The following PIK3CA variants were observed in gnomAD, a reference collection of about 807,000 sequenced individuals.
The protein encoded by PIK3CA is phosphatidylinositol 4,5-bisphosphate 3-kinase catalytic subunit alpha isoform.
Under a neutral mutation model 138.2 loss-of-function variants are expected in PIK3CA, and 27 were observed. That is an observed-to-expected ratio of 0.20 (90% confidence interval 0.14 to 0.27). The LOEUF (loss-of-function observed/expected upper bound fraction) is 0.27. PIK3CA is among the 10% of genes least tolerant of loss of function. The probability of loss-of-function intolerance (pLI) is 1.00; values close to 1 mark genes in which losing one functional copy is unlikely to be tolerated. For synonymous variants in PIK3CA, 358 were observed against 413.2 expected (o/e 0.87, Z 1.62); for missense variants, 544 against 1,277.4 (o/e 0.43, Z 8.75).
At position 179,238,906 on chromosome 3, in the gene PIK3CA, A is replaced by C. The variant is rs1300681434; in HGVS notation, c.*4542A>C. On this transcript the variant is annotated 3_prime_UTR_variant, in exon 21 of 21. Transcript: ENST00000263967. ...TTCCCAAGTTGGGATGTTAGTCTTT[A>C]AATAAACTTCATGCACCTATTCCAC... 1 of 218,644 alleles carries C rather than the reference A, an allele frequency of 4.6e-6. No individual in the cohort carries two copies. The highest frequency in any genetic ancestry group is 9.2e-6 in the Non-Finnish European group (1 of 109,050). 13.5% of individuals were successfully genotyped at this position (218,644 alleles called of 1,614,324 possible). A position where few individuals can be genotyped will look rare whatever the true frequency, so the allele number is the denominator to read the frequency against.
rs886042002 is a variant in PIK3CA, at chr3:179,199,148, G to A, written c.323G>A (p.Arg108His). The A allele has an allele frequency of 1.3e-6, 2 of 1,586,058 alleles. No homozygotes were observed. Among genetic ancestry groups the A allele is most frequent in the Non-Finnish European group, 1.7e-6 (2 of 1,171,070 alleles). Residue 108 changes from arginine (R) to histidine (H), a missense_variant, in exon 2 of 21, where the codon CGT (arginine) becomes CAT (histidine). This residue lies in a region of PIK3CA where 8 missense variants were observed against 49.9 expected (regional missense o/e 0.16). Coordinates refer to ENST00000263967, the MANE Select transcript of PIK3CA (RefSeq NM_006218.4). ...FLKVIEPVGN[R>H]EEKILNREIG... ...AAAGTAATTGAACCAGTAGGCAACC[G>A]TGAAGAAAAGATCCTCAATCGAGAA...
At chr3:179,193,536 A>G (rs746332096) in intron 1 of PIK3CA, among the ~76,000 whole-genome samples, 1 of 152,216 alleles carries the variant, frequency 6.6e-6, no homozygotes, top group Admixed American at 6.5e-5. Flanking sequence ...AAATTTCTCA[A>G]TAATCCTGAA....
chr3:179,162,479 G>A (rs2108355820), intron 1 of PIK3CA, among the ~76,000 whole-genome samples: 1 of 152,042 alleles, frequency 6.6e-6, no homozygotes, highest in Non-Finnish European at 1.5e-5. Flanking sequence ...CCAAAGTGTT[G>A]GGATTACATG....
At chr3:179,153,458 T>C (rs1229991653) in intron 1 of PIK3CA, among the ~76,000 whole-genome samples, 1 of 152,202 alleles carries the variant, frequency 6.6e-6, no homozygotes, top group Non-Finnish European at 1.5e-5. Context: ...GCATGTTTGC[T>C]TTCTGGTGGT....
Position 179,230,482 on chromosome 3 carries a change from T to C in PIK3CA, c.2936+106T>C, listed in dbSNP as rs2108425710. ...CAAAATAATAAATGTTGGCTGGGTG[T>C]GGTGGTTCATGCCTGTAATCCCAAC... On this transcript the variant is annotated intron_variant, in intron 20 of 20. Transcript: ENST00000263967. The surrounding 1 kb of genome is among the most constrained non-coding windows in gnomAD (Gnocchi z 5.4). 4.1e-6 allele frequency: 4 copies of C among 964,354 alleles called. No homozygotes were observed. In the East Asian group the frequency reaches 7.7e-5, roughly 19 times the overall value. The allele number at this position is 964,354 out of a possible 1,614,324, so 59.7% of individuals were successfully genotyped here. A position where few individuals can be genotyped will look rare whatever the true frequency, so the allele number is the denominator to read the frequency against.
At chr3:179,223,968 T>C (rs911465498) in intron 14 of PIK3CA, 113 bp from the exon 15 acceptor site, 12 of 524,964 alleles carry the variant, frequency 2.3e-5, no homozygotes, top group African/African-American at 2.3e-4. Context: ...GTCTAGGATG[T>C]AGATTCAGAG....
At chr3:179,181,045 T>C (rs1723831465) in intron 1 of PIK3CA, among the ~76,000 whole-genome samples, 2 of 151,902 alleles carry the variant, frequency 1.3e-5, no homozygotes, top group Non-Finnish European at 2.9e-5. Context: ...GTGTGTTTTG[T>C]CCTGGCAAAA....
intron 1 of PIK3CA, among the ~76,000 whole-genome samples, chr3:179,162,024 A>G (rs1023097129): frequency 2.6e-5 from 4 of 152,192 alleles, no homozygotes; most frequent in South Asian, 4.1e-4. Context: ...TGTACGGTCA[A>G]CGTTTTCCTT....
chr3:179,198,993 C>T lies in PIK3CA; in HGVS notation c.168C>T (p.Tyr56=), dbSNP rs200868796. The T allele has an allele frequency of 2.0e-5, 32 of 1,613,006 alleles. No individual in the cohort carries two copies. In the Admixed American group the frequency reaches 4.0e-4, roughly 20 times the overall value. Residue 56 remains tyrosine (Y), a synonymous_variant, in exon 2 of 21, where the codon TAC becomes TAT. Transcript: ENST00000263967. ...AACTATTTAAAGAAGCAAGAAAATA[C>T]CCCCTCCATCAACTTCTTCAAGATG... The part of the protein sequence containing the change: ...KHELFKEARK[Y]PLHQLLQDES...
chr3:179,167,810 T>A (rs1271059151), intron 1 of PIK3CA, among the ~76,000 whole-genome samples: 1 of 152,194 alleles, frequency 6.6e-6, no homozygotes, highest in Non-Finnish European at 1.5e-5. Context: ...CTCAAAATTG[T>A]GCTCTTTTGC....
At chr3:179,182,209 G>C (rs887298986) in intron 1 of PIK3CA, among the ~76,000 whole-genome samples, 27 of 152,128 alleles carry the variant, frequency 1.8e-4, no homozygotes, top group African/African-American at 6.5e-4. Flanking sequence ...TGGAATAATT[G>C]ACAGCTTTTA....
intron 1 of PIK3CA, among the ~76,000 whole-genome samples, chr3:179,170,433 A>G (rs1196209306): frequency 3.3e-5 from 5 of 152,242 alleles, no homozygotes; most frequent in Non-Finnish European, 4.4e-5. Flanking sequence ...GTTTGTTCAT[A>G]TATGCTTTTT....
At chr3:179,229,167 AT>A in intron 17 of PIK3CA, 104 bp from the exon 18 acceptor site, 1 of 814,986 alleles carries the variant, frequency 1.2e-6, no homozygotes, top group East Asian at 2.7e-5. Context: ...AGTAAAGGTC[AT>A]GCATGACAAA....
rs1724656684 is a variant in PIK3CA, at chr3:179,209,630, C to T, written c.1181C>T (p.Pro394Leu). 26 of 1,611,640 alleles carry T rather than the reference C, an allele frequency of 1.6e-5. No individual in the cohort carries two copies. The highest frequency in any genetic ancestry group is 2.1e-5 in the Non-Finnish European group (25 of 1,178,476). Reference protein sequence around the residue: ...NEWLNYDIYIPDLPRAARLCL... With the variant: ...NEWLNYDIYILDLPRAARLCL... Reference sequence around the variant, plus strand: ...TGGCTGAATTATGATATATACATTCCTGATCTTCCTCGTGCTGCTCGACTT... The same window carrying T: ...TGGCTGAATTATGATATATACATTCTTGATCTTCCTCGTGCTGCTCGACTT... Residue 394 changes from proline to leucine, a missense_variant, in exon 7 of 21, where the codon CCT (proline) becomes CTT (leucine). Coordinates refer to ENST00000263967, the MANE Select transcript of PIK3CA (RefSeq NM_006218.4).
chr3:179,203,198 C>G (rs1327781274), intron 4 of PIK3CA, among the ~76,000 whole-genome samples: 3 of 152,134 alleles, frequency 2.0e-5, no homozygotes, highest in African/African-American at 4.8e-5. Context: ...CCTCGGCCTC[C>G]CAAAGTGCTG....
At chr3:179,155,142 C>T (rs565898601) in intron 1 of PIK3CA, among the ~76,000 whole-genome samples, 2 of 152,078 alleles carry the variant, frequency 1.3e-5, no homozygotes, top group African/African-American at 4.8e-5. Flanking sequence ...GCTTAGTGGA[C>T]GAATATGTCT....
At chr3:179,184,719 A>AT (rs1202202028) in intron 1 of PIK3CA, among the ~76,000 whole-genome samples, 1 of 151,984 alleles carries the variant, frequency 6.6e-6, no homozygotes, top group Non-Finnish European at 1.5e-5. Context: ...TTTGGTGGGG[A>AT]TTTTTTCCCC....
chr3:179,217,955 C>T (rs1724874273), intron 9 of PIK3CA, among the ~76,000 whole-genome samples: 1 of 152,042 alleles, frequency 6.6e-6, no homozygotes, highest in Admixed American at 6.6e-5. Context: ...CTAACTTCAG[C>T]AGTTACTATT....
At chr3:179,171,006 T>C (rs1482736655) in intron 1 of PIK3CA, among the ~76,000 whole-genome samples, 1 of 152,160 alleles carries the variant, frequency 6.6e-6, no homozygotes, top group Non-Finnish European at 1.5e-5. Flanking sequence ...CTAAAGTGCA[T>C]TGGTAACATT....
Sources: gnomAD v4.1 joint callset for allele counts (sites outside exome capture counted in the v4.1 genomes callset) on GRCh38, gnomAD v4.1.1 for gene constraint, gnomAD v4.1.1 regional missense constraint, Gnocchi (gnomAD v3.1) non-coding constraint, MANE v1.5 for transcripts, NCBI Gene and HGNC (gene_info 2026-07-23, HGNC 2026-07-21) for gene names.